RNF213: variants seen among roughly 807,000 people sequenced by gnomAD.
RNF213 encodes ring finger protein 213.
Under a neutral mutation model 514.4 loss-of-function variants are expected in RNF213, and 341 were observed. That is an observed-to-expected ratio of 0.66 (90% CI 0.61 to 0.73). RNF213 has a LOEUF of 0.73. Among genes scored for constraint, RNF213 ranks in the 30% least tolerant of loss-of-function variants. The pLI is 0.00. For synonymous variants in RNF213, 2,655 were observed against 2,658.2 expected, an observed-to-expected ratio of 1.00 and a Z score of 0.04; for missense variants, 5,767 against 6,615.6, an observed-to-expected ratio of 0.87 and a Z score of 4.45.
At chr17:80,262,445 T>G (rs1272721527) in intron 1 of RNF213, among the ~76,000 whole-genome samples, 1 of 151,844 alleles carries the variant, frequency 6.6e-6, no homozygotes, top group East Asian at 1.9e-4. Flanking sequence ...GGTTGTCTTG[T>G]TGTGCAGATA....
Position 80,379,694 on chromosome 17 carries a change from G to A in RNF213, c.13620G>A (p.Arg4540=), listed in dbSNP as rs769733791. 6.2e-7 allele frequency: 1 copy of A among 1,614,156 alleles called. No individual in the cohort carries two copies. The highest frequency in any genetic ancestry group is 1.3e-5 in the African/African-American group (1 of 75,048). ...TTGGAGGCATTGACCACAAACCTCG[G>A]GACGGCTTTCATCTGGTCAAGTATG... ...APIGGIDHKP[R]DGFHLVKDKA... Residue 4540 remains arginine (R), a synonymous_variant, in exon 55 of 68, where the codon CGG becomes CGA. Coordinates refer to ENST00000582970, the MANE Select transcript of RNF213 (RefSeq NM_001256071.3).
At chr17:80,307,333 C>A in intron 13 of RNF213, 132 bp downstream of exon 13, 1 of 688,846 alleles carries the variant, frequency 1.5e-6, no homozygotes. Flanking sequence ...TGGCCCACTT[C>A]TCTTCTCAGG....
In RNF213 at chr17:80,273,241, ATTC is replaced by A; in HGVS notation, c.100_102del (p.Ser34del). On this transcript the variant is annotated inframe_deletion and splice_region_variant, in exon 3 of 68. Transcript: ENST00000582970. ...ACCCTTCCTTCATCTGCCGTTACAG[ATTC>A]TGAGAACAATAACTCCACAATGGCG... 1 of 1,613,468 alleles carries A rather than the reference ATTC, an allele frequency of 6.2e-7. No individual in the cohort carries two copies. The highest frequency in any genetic ancestry group is 2.2e-5 in the East Asian group (1 of 44,860).
intron 3 of RNF213, among the ~76,000 whole-genome samples, chr17:80,274,907 T>G: frequency 5.6e-5 from 2 of 35,996 alleles, no homozygotes; most frequent in Non-Finnish European, 1.1e-4. Flanking sequence ...GTTGGGGGTG[T>G]GTGAGTGGGG....
Position 80,351,642 on chromosome 17 carries a change from G to A in RNF213, c.10185-43G>A, listed in dbSNP as rs1337159644. On this transcript the variant is annotated intron_variant, in intron 31 of 67. Transcript: ENST00000582970. ...TTTATTTGCTTGTTTTTGTGTGTGT[G>A]TTTGTTTTTAAAATAGGTATTCTTT... 4 of 1,054,982 alleles carry A rather than the reference G, an allele frequency of 3.8e-6. No individual in the cohort carries two copies. In the South Asian group the frequency reaches 3.9e-5, roughly 10 times the overall value. 65.4% of individuals were successfully genotyped at this position (1,054,982 alleles called of 1,614,324 possible).
rs762864847 is a variant in RNF213, at chr17:80,343,331, T to A, written c.6183+6T>A. 6.2e-7 allele frequency: 1 copy of A among 1,610,436 alleles called. No homozygotes were observed. Among genetic ancestry groups the A allele is most frequent in the East Asian group, 2.2e-5 (1 of 44,804 alleles). ...ACCTGGACGTGACCTCCTCAGTAAG[T>A]GCCCTCCAGCGTCAGCCGATGGCCA... On this transcript the variant is annotated splice_donor_region_variant and intron_variant, in intron 27 of 67. Coordinates refer to ENST00000582970, the MANE Select transcript of RNF213 (RefSeq NM_001256071.3). This position sits in a 1 kb window ranked among gnomAD's most constrained non-coding sequence, Gnocchi z 4.3.
intron 29 of RNF213, among the ~76,000 whole-genome samples, chr17:80,348,746 C>T (rs1247115895): frequency 2.0e-5 from 3 of 152,208 alleles, no homozygotes; most frequent in Non-Finnish European, 4.4e-5. Flanking sequence ...AAGCCCCTCG[C>T]CGATGGGGAA....
intron 11 of RNF213, among the ~76,000 whole-genome samples, chr17:80,302,490 G>A (rs920901055): frequency 1.3e-5 from 2 of 152,088 alleles, no homozygotes; most frequent in Admixed American, 6.6e-5. Flanking sequence ...TATACATTAT[G>A]TATTGTATAC....
At position 80,389,315 on chromosome 17, in the gene RNF213, T is replaced by C; in HGVS notation, c.15143T>C (p.Val5048Ala). 2.5e-6 allele frequency: 4 copies of C among 1,614,068 alleles called. No homozygotes were observed. The East Asian group carries it at 6.7e-5, about 27-fold the overall frequency. ...GGGGATCCAAACATGCAGCTGAATG[T>C]GTATACTCAAGACATCCTGCAAATG... The part of the protein sequence containing the change: ...AGGDPNMQLN[V>A]YTQDILQMGD... The change falls in exon 65 of 68, where the codon GTG becomes GCG. Residue 5048 changes from valine to alanine, a missense_variant. By Grantham distance (64) the Val-to-Ala change is moderately conservative (BLOSUM62 0). Coordinates refer to ENST00000582970, the MANE Select transcript of RNF213 (RefSeq NM_001256071.3).
Position 80,382,969 on chromosome 17 carries a change from T to C in RNF213, c.13979-10T>C. ...CTTGGGTAACCTACACATTTGGAGT[T>C]TTTTTGTAGGGCTTTTAAATTTTGA... On this transcript the variant is annotated splice_polypyrimidine_tract_variant and intron_variant, in intron 57 of 67. Coordinates refer to ENST00000582970, the MANE Select transcript of RNF213 (RefSeq NM_001256071.3). 6.2e-7 allele frequency: 1 copy of C among 1,604,450 alleles called. No homozygotes were observed. The highest frequency in any genetic ancestry group is 8.5e-7 in the Non-Finnish European group (1 of 1,171,196).
rs2077916140 is a variant in RNF213, at chr17:80,334,152, C to A, written c.4191C>A (p.Asn1397Lys). The A allele has an allele frequency of 6.5e-7, 1 of 1,537,138 alleles. No homozygotes were observed. Among genetic ancestry groups the A allele is most frequent in the African/African-American group, 1.4e-5 (1 of 73,034 alleles). ...DFRRETLDQI[N>K]QELIQAKKLL... ...GCCGTGAAACACTGGACCAGATCAA[C>A]CAGGAGCTCATCCAGGCCAAAAAGC... The change falls in exon 22 of 68, where the codon AAC becomes AAA. Residue 1397 changes from asparagine to lysine, a missense_variant. Asn to Lys is a moderately conservative substitution (Grantham distance 94). This residue lies in a region of RNF213 where 516 missense variants were observed against 566.5 expected (regional missense o/e 0.91). Transcript: ENST00000582970.
intron 64 of RNF213, chr17:80,388,961 C>T (rs1021868730): frequency 3.2e-6 from 2 of 624,370 alleles, no homozygotes; most frequent in Non-Finnish European, 5.7e-6. Flanking sequence ...CCGATTTGTT[C>T]CTGCTCTCCG....
At chr17:80,266,837 CA>C (rs1380308713) in intron 2 of RNF213, among the ~76,000 whole-genome samples, 1 of 152,112 alleles carries the variant, frequency 6.6e-6, no homozygotes, top group Non-Finnish European at 1.5e-5. Context: ...AAGAGTTAGA[CA>C]TGATTAAGCT....
intron 50 of RNF213, chr17:80,375,169 G>A: frequency 5.7e-6 from 1 of 175,858 alleles, no homozygotes; most frequent in Non-Finnish European, 1.2e-5. Context: ...CAGAAGAACA[G>A]ATGGTGATTC....
At position 80,290,486 on chromosome 17, in the gene RNF213, CG is replaced by C. The variant is rs2044677101; in HGVS notation, c.1113-83del. On this transcript the variant is annotated intron_variant, in intron 6 of 67. Transcript: ENST00000582970. ...GTGTGTGTGCACGTGTGTGTGCGCA[CG>C]TGTGTGTGTGCGCGTGTGTGCATGC... 4 of 1,535,444 alleles carry C rather than the reference CG, an allele frequency of 2.6e-6. No homozygotes were observed. The Admixed American group carries it at 6.7e-5, about 26-fold the overall frequency.
intron 6 of RNF213, 77 bp from the exon 7 acceptor site, chr17:80,290,493 G>T: frequency 1.3e-6 from 2 of 1,544,760 alleles, no homozygotes; most frequent in Non-Finnish European, 1.8e-6. Context: ...GCACGTGTGT[G>T]TGTGCGCGTG....
chr17:80,349,760 A>C lies in RNF213; in HGVS notation c.9952-10A>C. The C allele has an allele frequency of 6.2e-7, 1 of 1,614,108 alleles. No individual in the cohort carries two copies. The highest frequency in any genetic ancestry group is 2.2e-5 in the East Asian group (1 of 44,878). ...GTCTGGCAAGTAATTTGCATTTCTTAACTCTGTAGATCACCACTTTCTCCA... is the reference window on the plus strand; with the variant it reads ...GTCTGGCAAGTAATTTGCATTTCTTCACTCTGTAGATCACCACTTTCTCCA... On this transcript the variant is annotated splice_polypyrimidine_tract_variant and intron_variant, in intron 29 of 67. Transcript: ENST00000582970.
At chr17:80,382,431 C>G (rs2080055966) in intron 57 of RNF213, 1 of 159,516 alleles carries the variant, frequency 6.3e-6, no homozygotes, top group Non-Finnish European at 1.4e-5. Flanking sequence ...TGCCCCATGA[C>G]AAGAAAATCT....
intron 35 of RNF213, 118 bp downstream of exon 35, chr17:80,354,284 C>G (rs1321176385): frequency 5.5e-5 from 81 of 1,485,204 alleles, no homozygotes; most frequent in Non-Finnish European, 7.6e-5. Context: ...TCAGCAGAAG[C>G]AGTGACACAG....
Sources: gnomAD v4.1 joint callset for allele counts (sites outside exome capture counted in the v4.1 genomes callset) on GRCh38, gnomAD v4.1.1 for gene constraint, gnomAD v4.1.1 regional missense constraint, Gnocchi (gnomAD v3.1) non-coding constraint, MANE v1.5 for transcripts, NCBI Gene and HGNC (gene_info 2026-07-23, HGNC 2026-07-21) for gene names.